The following CEP95 variants were observed in gnomAD, a reference collection of about 807,000 sequenced individuals.
CEP95 encodes the protein centrosomal protein 95, also known as centrosomal protein of 95 kDa.
In CEP95, 98 loss-of-function variants were observed where a neutral mutation model predicts 111.2. The observed-to-expected ratio is 0.88, with a 90% CI of 0.75 to 1.04. The LOEUF is 1.04. Ranked by LOEUF, CEP95 falls within the 50% of genes least tolerant of loss-of-function variation. CEP95 has a pLI of 0.00. For missense variants in CEP95, 1,027 were observed against 977.2 expected, an observed-to-expected ratio of 1.05 and a Z score of -0.68; for synonymous variants, 323 against 327.1, an observed-to-expected ratio of 0.99 and a Z score of 0.14.
rs574165140 is a variant in CEP95, at chr17:64,529,221, A to G, written c.1307-67A>G. 3.0e-5 allele frequency: 45 copies of G among 1,489,396 alleles called. No homozygotes were observed. The South Asian group carries it at 5.2e-4, about 17-fold the overall frequency. The allele number at this position is 1,489,396 out of a possible 1,614,324, so 92.3% of individuals were successfully genotyped here. On this transcript the variant is annotated intron_variant, in intron 11 of 19. Coordinates refer to ENST00000556440, the MANE Select transcript of CEP95 (RefSeq NM_138363.3). ...GTCTCTTTGGATTTAGTGAAAACCA[A>G]CTTTGGTTTCCAGCATAACATTCTG... is the stretch of plus-strand genomic sequence containing the variant.
chr17:64,531,793 A>G, intron 13 of CEP95, 97 bp from the exon 14 acceptor site: 1 of 883,686 alleles, frequency 1.1e-6, no homozygotes, highest in Non-Finnish European at 1.6e-6. Flanking sequence ...CTAAAAAACT[A>G]CCGTTAGCTG....
At chr17:64,510,632 C>T (rs1033870894) in intron 3 of CEP95, among the ~76,000 whole-genome samples, 1 of 152,220 alleles carries the variant, frequency 6.6e-6, no homozygotes, top group Non-Finnish European at 1.5e-5. Flanking sequence ...TCACTGCAGC[C>T]TCAACCTCCC....
At chr17:64,516,545 G>A (rs2039153342) in intron 4 of CEP95, among the ~76,000 whole-genome samples, 178 bp from the exon 5 acceptor site, 1 of 152,082 alleles carries the variant, frequency 6.6e-6, no homozygotes, top group Non-Finnish European at 1.5e-5. Context: ...TTTGTTACTC[G>A]AATAATACAT....
chr17:64,534,853 TCCTATAGTGCTGGC>T lies in CEP95; in HGVS notation c.2070+120_2070+133del, dbSNP rs1349073376. 6 of 1,220,834 alleles carry T rather than the reference TCCTATAGTGCTGGC, an allele frequency of 4.9e-6. No individual in the cohort carries two copies. The Middle Eastern group carries it at 9.4e-4, about 191-fold the overall frequency. 75.6% of individuals were successfully genotyped at this position (1,220,834 alleles called of 1,614,324 possible). A position where few individuals can be genotyped will look rare whatever the true frequency, so the allele number is the denominator to read the frequency against. ...TTTGAATCCAAAATCTAAACTGAAGTCCTATAGTGCTGGCCCTGAGTTCTGCTTGGCCACACTTC... is the reference window on the plus strand; with the variant it reads ...TTTGAATCCAAAATCTAAACTGAAGTCCTGAGTTCTGCTTGGCCACACTTC... On this transcript the variant is annotated intron_variant, in intron 17 of 19. Transcript: ENST00000556440.
At chr17:64,517,447 C>CT (rs1966955576) in intron 5 of CEP95, among the ~76,000 whole-genome samples, 1 of 152,138 alleles carries the variant, frequency 6.6e-6, no homozygotes, top group Non-Finnish European at 1.5e-5. Context: ...TAAATAACTG[C>CT]TGTTAACATT....
At chr17:64,528,687 G>T (rs1598232999) in intron 11 of CEP95, among the ~76,000 whole-genome samples, 1 of 152,334 alleles carries the variant, frequency 6.6e-6, no homozygotes, top group Non-Finnish European at 1.5e-5. Flanking sequence ...CTATGTTGAA[G>T]TGCTTTTCCC....
Position 64,508,616 on chromosome 17 carries a change from T to G in CEP95, c.44T>G (p.Leu15Arg), listed in dbSNP as rs373250422. Residue 15 changes from leucine (L) to arginine (R), a missense_variant, in exon 2 of 20, where the codon CTT (leucine) becomes CGT (arginine). Physicochemically the swap from Leu to Arg is moderately radical, Grantham distance 102. Transcript: ENST00000556440. ...GAGTGGGTAACCATTGCCAATAACC[T>G]TCTTTTTAAGTGTCATATACATCTG... ...DAEWVTIANN[L>R]LFKCHIHLRI... The G allele has an allele frequency of 1.1e-5, 16 of 1,429,546 alleles. No homozygotes were observed. In the East Asian group the frequency reaches 1.6e-4, roughly 15 times the overall value. 88.6% of individuals were successfully genotyped at this position (1,429,546 alleles called of 1,614,324 possible). A position where few individuals can be genotyped will look rare whatever the true frequency, so the allele number is the denominator to read the frequency against.
At chr17:64,527,942 C>T (rs1555679517) in intron 11 of CEP95, among the ~76,000 whole-genome samples, 2 of 150,584 alleles carry the variant, frequency 1.3e-5, no homozygotes, top group South Asian at 2.1e-4. Flanking sequence ...TATTGCTGGA[C>T]ATGTTGTTTC....
At chr17:64,515,269 A>G (rs1025359637) in intron 4 of CEP95, among the ~76,000 whole-genome samples, 1 of 152,212 alleles carries the variant, frequency 6.6e-6, no homozygotes. Context: ...ACTACATACA[A>G]TAAAAGCATA....
chr17:64,514,085 A>C, intron 3 of CEP95, 163 bp from the exon 4 acceptor site: 1 of 426,432 alleles, frequency 2.3e-6, no homozygotes, highest in Non-Finnish European at 4.2e-6. Context: ...TAATTGTTTC[A>C]CCTGTATTCT....
rs201290279 is a variant in CEP95 at position 64,533,078 on chromosome 17, A to G, written c.1843-39A>G. On this transcript the variant is annotated intron_variant, in intron 15 of 19. Transcript: ENST00000556440. Reference sequence around the variant, plus strand: ...GCTTATCCTTAAGAATTTAGTGAACAGCATTATTAACCTACTTAACTTCAT... The same window carrying G: ...GCTTATCCTTAAGAATTTAGTGAACGGCATTATTAACCTACTTAACTTCAT... 3.2e-5 allele frequency: 51 copies of G among 1,605,040 alleles called. No individual in the cohort carries two copies. In the African/African-American group the frequency reaches 5.8e-4, roughly 18 times the overall value.
At position 64,536,661 on chromosome 17, in the gene CEP95, A is replaced by G; in HGVS notation, c.2130A>G (p.Leu710=). The change falls in exon 18 of 20, where the codon CTA becomes CTG. Residue 710 remains leucine, a synonymous_variant. Coordinates refer to ENST00000556440, the MANE Select transcript of CEP95 (RefSeq NM_138363.3). ...LNIQKQRLRD[L]RNYAKEKRDE... ...TTCAAAAGCAAAGATTACGAGACCT[A>G]AGAAACTATGCCAAAGAAAAGCGAG... 1 of 1,612,810 alleles carries G rather than the reference A, an allele frequency of 6.2e-7. No homozygotes were observed.
intron 8 of CEP95, among the ~76,000 whole-genome samples, chr17:64,525,462 G>T (rs1288049646): frequency 6.6e-6 from 1 of 152,158 alleles, no homozygotes; most frequent in Non-Finnish European, 1.5e-5. Flanking sequence ...CTTTGTACTA[G>T]TGATAATTTT....
At chr17:64,520,508 G>A (rs1967236839) in intron 6 of CEP95, 1 of 151,126 alleles carries the variant, frequency 6.6e-6, no homozygotes, top group Non-Finnish European at 1.5e-5. Context: ...CACCCAGGGT[G>A]GAGTGCGGTG....
At chr17:64,535,038 G>C in intron 17 of CEP95, 1 of 371,788 alleles carries the variant, frequency 2.7e-6, no homozygotes. Context: ...ACATGTGAGA[G>C]ACAAATTTAG....
intron 14 of CEP95, 70 bp downstream of exon 14, chr17:64,532,092 C>A: frequency 6.9e-7 from 1 of 1,440,076 alleles, no homozygotes; most frequent in Non-Finnish European, 9.1e-7. Flanking sequence ...ATTCCAAGGA[C>A]ACAGCACTGA....
intron 2 of CEP95, among the ~76,000 whole-genome samples, chr17:64,509,620 G>A (rs2038778836): frequency 6.6e-6 from 1 of 152,222 alleles, no homozygotes; most frequent in South Asian, 2.1e-4. Context: ...GGAAAGTGGA[G>A]GTTGTAGTGA....
At chr17:64,524,108 C>A (rs1967596496) in intron 8 of CEP95, among the ~76,000 whole-genome samples, 1 of 151,968 alleles carries the variant, frequency 6.6e-6, no homozygotes, top group South Asian at 2.1e-4. Context: ...AAAATGGAGT[C>A]ATAAGATAAT....
At chr17:64,516,621 G>A (rs1966881952) in intron 4 of CEP95, 102 bp from the exon 5 acceptor site, 2 of 561,866 alleles carry the variant, frequency 3.6e-6, no homozygotes, top group Non-Finnish European at 3.1e-6. Context: ...ACCATGGCAA[G>A]TTAGGGGTGC....
Sources: gnomAD v4.1 joint callset for allele counts (sites outside exome capture counted in the v4.1 genomes callset) on GRCh38, gnomAD v4.1.1 for gene constraint, MANE v1.5 for transcripts, NCBI Gene and HGNC (gene_info 2026-07-23, HGNC 2026-07-21) for gene names.